Variants in FRAS1 observed in about 807,000 individuals in gnomAD.
The protein encoded by FRAS1 is extracellular matrix organizing protein FRAS1.
FRAS1 carries 290 observed loss-of-function variants against 435.2 expected under a neutral mutation model. The ratio of observed to expected loss-of-function variants is 0.67; its 90% CI spans 0.61 to 0.73. FRAS1 has a LOEUF of 0.73. FRAS1 is among the 30% of genes least tolerant of loss of function. FRAS1 has a pLI of 0.00. For synonymous variants in FRAS1, 1,800 were observed against 1,851.0 expected (o/e 0.97, Z 0.71); for missense variants, 4,860 against 5,001.5 (o/e 0.97, Z 0.85).
chr4:78,065,058 G>GTATATATATATATATA (rs34023994), intron 1 of FRAS1, among the ~76,000 whole-genome samples: 11 of 119,890 alleles, frequency 9.2e-5, no homozygotes, highest in South Asian at 2.8e-4. Context: ...GTTTTATAGT[G>GTATATATATATATATA]TATATATATA....
intron 2 of FRAS1, among the ~76,000 whole-genome samples, chr4:78,233,948 A>G (rs1724626947): frequency 1.3e-5 from 2 of 152,206 alleles, no homozygotes; most frequent in Non-Finnish European, 2.9e-5. Flanking sequence ...AGCATTGACT[A>G]CAGATACTTT....
chr4:78,058,087 T>C lies in FRAS1; in HGVS notation c.76+2T>C, dbSNP rs775624675. The C allele has an allele frequency of 5.6e-6, 9 of 1,612,204 alleles. No individual in the cohort carries two copies. Among genetic ancestry groups the C allele is most frequent in the South Asian group, 1.1e-5 (1 of 91,018 alleles). ...CAGTATTGCCTCATCATTCCGAAGGTGAGAGAGCGGTGCCGCGTGTGTGTG... is the reference window on the plus strand; with the variant it reads ...CAGTATTGCCTCATCATTCCGAAGGCGAGAGAGCGGTGCCGCGTGTGTGTG... On this transcript the variant is annotated splice_donor_variant, in intron 1 of 73. Transcript: ENST00000512123. LOFTEE classifies it high-confidence loss of function.
chr4:78,154,698 A>C (rs1268929952), intron 2 of FRAS1, among the ~76,000 whole-genome samples: 1 of 152,234 alleles, frequency 6.6e-6, no homozygotes, highest in African/African-American at 2.4e-5. Context: ...CAAAACTAAG[A>C]AAATCCATTT....
intron 20 of FRAS1, among the ~76,000 whole-genome samples, chr4:78,363,168 G>T (rs565135166): frequency 6.6e-6 from 1 of 152,136 alleles, no homozygotes; most frequent in Non-Finnish European, 1.5e-5. Context: ...GACCCCCAGG[G>T]GAGATGTTGA....
intron 5 of FRAS1, 86 bp downstream of exon 5, chr4:78,252,637 T>G: frequency 8.0e-7 from 1 of 1,249,208 alleles, no homozygotes; most frequent in Non-Finnish European, 1.1e-6. Flanking sequence ...TATTTCAACA[T>G]AGGTTCTTTC....
chr4:78,254,916 G>T (rs147363684), intron 5 of FRAS1, among the ~76,000 whole-genome samples: 3 of 152,094 alleles, frequency 2.0e-5, no homozygotes, highest in African/African-American at 7.2e-5. Flanking sequence ...TGCATAGGGC[G>T]CATGCAACCT....
chr4:78,344,891 G>A (rs1451004803), intron 20 of FRAS1, among the ~76,000 whole-genome samples: 2 of 151,870 alleles, frequency 1.3e-5, no homozygotes, highest in Admixed American at 6.6e-5. Flanking sequence ...ACATACATAC[G>A]TGCATTGTTT....
At chr4:78,321,206 G>A (rs1022392528) in intron 18 of FRAS1, among the ~76,000 whole-genome samples, 2 of 152,198 alleles carry the variant, frequency 1.3e-5, no homozygotes, top group Non-Finnish European at 2.9e-5. Flanking sequence ...TGCTCACTTA[G>A]TCTCAATGCC....
Position 78,496,896 on chromosome 4 carries a change from A to G in FRAS1, c.9050A>G (p.His3017Arg). The change falls in exon 60 of 74, where the codon CAC (histidine) becomes CGC (arginine). Residue 3017 changes from histidine (H) to arginine (R), a missense_variant. By Grantham distance (29) the His-to-Arg change is conservative (BLOSUM62 0). Transcript: ENST00000512123. Reference sequence around the variant, plus strand: ...TACCTCGGCCTTCCTCTTGGAAACCACTGGAGTGGAGCTAGAATTGGAAAG... The same window carrying G: ...TACCTCGGCCTTCCTCTTGGAAACCGCTGGAGTGGAGCTAGAATTGGAAAG... Reference protein sequence around the residue: ...RVYLGLPLGNHWSGARIGKNN... With the variant: ...RVYLGLPLGNRWSGARIGKNN... 9.3e-6 allele frequency: 15 copies of G among 1,613,750 alleles called. No homozygotes were observed. The highest frequency in any genetic ancestry group is 1.3e-5 in the Non-Finnish European group (15 of 1,179,680).
Position 78,446,709 on chromosome 4 carries a change from A to C in FRAS1, c.5857-18A>C. On this transcript the variant is annotated intron_variant, in intron 42 of 73. Coordinates refer to ENST00000512123, the MANE Select transcript of FRAS1 (RefSeq NM_025074.7). ...CTTAAATATCTGTGTGAGATCTAAT[A>C]GTTTATGCTTTAATCAGAGGAAGAA... 5 of 1,607,986 alleles carry C rather than the reference A, an allele frequency of 3.1e-6. No homozygotes were observed. Among genetic ancestry groups the C allele is most frequent in the Middle Eastern group, 1.7e-4 (1 of 6,038 alleles).
Position 78,112,339 on chromosome 4 carries a change from A to T in FRAS1, c.108+46323A>T, listed in dbSNP as rs559503245. 7.9e-5 allele frequency among the ~76,000 whole-genome samples: 12 copies of T among 152,250 alleles called. 1 individual carries two copies. In the South Asian group the frequency reaches 2.5e-3, roughly 32 times the overall value. ...GACTCACCAATCACTTCATACACAT[A>T]TTTACATTTAGACTTAACCTCTGCA... On this transcript the variant is annotated intron_variant, in intron 2 of 73. Transcript: ENST00000512123.
In FRAS1 at chr4:78,267,573, A is replaced by G. The variant is rs531681128; in HGVS notation, c.981+141A>G. 13 of 741,864 alleles carry G rather than the reference A, an allele frequency of 1.8e-5. No homozygotes were observed. In the African/African-American group the frequency reaches 2.1e-4, roughly 12 times the overall value. The allele number at this position is 741,864 out of a possible 1,614,324, so 46.0% of individuals were successfully genotyped here. On this transcript the variant is annotated intron_variant, in intron 9 of 73. Coordinates refer to ENST00000512123, the MANE Select transcript of FRAS1 (RefSeq NM_025074.7). ...CACACTTCATAGGACCTTCTAGTGTAAAGCTTCCGTGGTATAAAATGAATG... is the reference window on the plus strand; with the variant it reads ...CACACTTCATAGGACCTTCTAGTGTGAAGCTTCCGTGGTATAAAATGAATG...
chr4:78,095,431 C>T, intron 2 of FRAS1, among the ~76,000 whole-genome samples: 1 of 152,166 alleles, frequency 6.6e-6, no homozygotes, highest in East Asian at 1.9e-4. Context: ...TATCTTGGTT[C>T]TGGTCACGGG....
At chr4:78,317,741 T>G (rs185707809) in intron 17 of FRAS1, among the ~76,000 whole-genome samples, 2 of 152,172 alleles carry the variant, frequency 1.3e-5, no homozygotes, top group Non-Finnish European at 2.9e-5. Context: ...TTTCTGGCTG[T>G]TTTTAGGGGG....
intron 2 of FRAS1, among the ~76,000 whole-genome samples, chr4:78,144,793 A>G (rs1311526141): frequency 6.6e-6 from 1 of 152,186 alleles, no homozygotes; most frequent in Non-Finnish European, 1.5e-5. Flanking sequence ...ATCTTTCTAT[A>G]GAATTATTTT....
At chr4:78,456,149 T>TTTTTTC (rs774036974) in intron 47 of FRAS1, among the ~76,000 whole-genome samples, 18,916 of 61,194 alleles carry the variant, frequency 0.31, 1,557 homozygotes, top group African/African-American at 0.39. Context: ...TTTTTTTTTT[T>TTTTTTC]TTTTTTTTTT....
At chr4:78,509,041 C>T in intron 63 of FRAS1, 35 bp downstream of exon 63, 1 of 1,600,966 alleles carries the variant, frequency 6.2e-7, no homozygotes, top group Non-Finnish European at 8.6e-7. Flanking sequence ...TTCTCCCTCC[C>T]TGGGAGAGAA....
Position 78,430,484 on chromosome 4 carries a change from T to C in FRAS1, c.4969+67T>C. The C allele has an allele frequency of 7.8e-6, 12 of 1,534,458 alleles. No homozygotes were observed. The South Asian group carries it at 1.4e-4, about 19-fold the overall frequency. On this transcript the variant is annotated intron_variant, in intron 37 of 73. Coordinates refer to ENST00000512123, the MANE Select transcript of FRAS1 (RefSeq NM_025074.7). ...GGATTTTTTGCTCTACAATCAGTTG[T>C]TATGTGTCTCAGACGAGAGCAAAGC...
At chr4:78,355,936 A>T (rs1730836491) in intron 20 of FRAS1, among the ~76,000 whole-genome samples, 1 of 152,178 alleles carries the variant, frequency 6.6e-6, no homozygotes, top group Non-Finnish European at 1.5e-5. Context: ...GGCTCATCAG[A>T]CGGTTACCAC....
Sources: allele counts gnomAD v4.1 joint callset (sites outside exome capture counted in the v4.1 genomes callset), GRCh38; gene constraint gnomAD v4.1.1; transcripts MANE v1.5; gene names NCBI Gene and HGNC (gene_info 2026-07-23, HGNC 2026-07-21).